The following ACYP2 variants were observed in gnomAD, a reference collection of about 807,000 sequenced individuals.
The protein encoded by ACYP2 is acylphosphatase 2.
Under a neutral mutation model 11.2 loss-of-function variants are expected in ACYP2, and 12 were observed. The ratio of observed to expected loss-of-function variants is 1.08; its 90% CI spans 0.69 to 1.74. The LOEUF (loss-of-function observed/expected upper bound fraction) is 1.74. Among genes scored for constraint, ACYP2 ranks in the 40% most tolerant of loss-of-function variants. ACYP2 has a pLI of 0.00. For missense variants in ACYP2, 134 were observed against 101.9 expected, an observed-to-expected ratio of 1.31 and a Z score of -1.35; for synonymous variants, 43 against 32.2, an observed-to-expected ratio of 1.33 and a Z score of -1.13.
intron 6 of ACYP2, among the ~76,000 whole-genome samples, chr2:54,203,467 G>T (rs186817069): frequency 6.6e-6 from 1 of 152,074 alleles, no homozygotes; most frequent in Non-Finnish European, 1.5e-5. Context: ...TCTTTTTCTT[G>T]CCTAATTGCT....
chr2:54,130,911 A>G (rs138199700), intron 4 of ACYP2, among the ~76,000 whole-genome samples: 660 of 152,310 alleles, frequency 4.3e-3, no homozygotes, highest in Admixed American at 7.7e-3. Flanking sequence ...AGCCAGCCCT[A>G]AAATCACCCA....
chr2:54,292,696 A>G, intron 6 of ACYP2, among the ~76,000 whole-genome samples: 1 of 147,056 alleles, frequency 6.8e-6, no homozygotes, highest in East Asian at 1.9e-4. Flanking sequence ...ACACACACAC[A>G]CACACACACA....
At chr2:53,996,179 C>G (rs1672565969) in intron 2 of ACYP2, among the ~76,000 whole-genome samples, 1 of 152,002 alleles carries the variant, frequency 6.6e-6, no homozygotes, top group Non-Finnish European at 1.5e-5. Flanking sequence ...AACGGCTATT[C>G]TAGGCATAGT....
intron 2 of ACYP2, among the ~76,000 whole-genome samples, chr2:54,009,289 T>C (rs1673239622): frequency 1.3e-5 from 2 of 152,116 alleles, no homozygotes; most frequent in Non-Finnish European, 2.9e-5. Flanking sequence ...CTGGATGCAG[T>C]GGCTCACACC....
chr2:54,162,030 T>C (rs1682734973), intron 6 of ACYP2, among the ~76,000 whole-genome samples: 1 of 152,162 alleles, frequency 6.6e-6, no homozygotes. Context: ...TTCACAACCA[T>C]ATAGATTCTT....
chr2:54,203,245 T>C (rs1017878250), intron 6 of ACYP2, among the ~76,000 whole-genome samples: 1 of 151,952 alleles, frequency 6.6e-6, no homozygotes, highest in Non-Finnish European at 1.5e-5. Context: ...TGGAATTATT[T>C]GCTTAATTTT....
At chr2:54,028,977 G>C (rs186672689) in intron 2 of ACYP2, among the ~76,000 whole-genome samples, 1 of 152,098 alleles carries the variant, frequency 6.6e-6, no homozygotes, top group African/African-American at 2.4e-5. Flanking sequence ...GGGTAAGATA[G>C]TGAGACCTCA....
At chr2:54,042,206 A>T (rs1675268827) in intron 2 of ACYP2, among the ~76,000 whole-genome samples, 1 of 152,088 alleles carries the variant, frequency 6.6e-6, no homozygotes, top group African/African-American at 2.4e-5. Flanking sequence ...GGGTTTCTCC[A>T]TGTTGGTCAG....
At chr2:54,017,399 T>G (rs1673757660) in intron 2 of ACYP2, among the ~76,000 whole-genome samples, 2 of 151,114 alleles carry the variant, frequency 1.3e-5, no homozygotes. Flanking sequence ...GGATTATAGG[T>G]GTGAACCACC....
intron 6 of ACYP2, chr2:54,256,386 A>C: frequency 1.9e-6 from 1 of 522,824 alleles, no homozygotes; most frequent in Non-Finnish European, 3.5e-6. Flanking sequence ...ATGATATTAC[A>C]TGGTGGTTTT....
At chr2:54,254,946 G>A in intron 6 of ACYP2, 1 of 1,612,982 alleles carries the variant, frequency 6.2e-7, no homozygotes, top group East Asian at 2.2e-5. Context: ...CAAAGGGCCT[G>A]GGGATCTCCA....
At chr2:54,039,781 G>A (rs1249316378) in intron 2 of ACYP2, among the ~76,000 whole-genome samples, 1 of 151,238 alleles carries the variant, frequency 6.6e-6, no homozygotes, top group Non-Finnish European at 1.5e-5. Context: ...GTTTTTATCG[G>A]TGTCACTCAG....
At position 54,304,218 on chromosome 2, in the gene ACYP2, CTGTGTGTG is replaced by C. The variant is rs10531789; in HGVS notation, c.405-446_405-439del. On this transcript the variant is annotated intron_variant, in intron 6 of 6. Transcript: ENST00000607452. ...TGGATCTCTTTCATTATATATATGTCTGTGTGTGTGTGTGTGTGTGTGTGTGTGTGTAG... is the reference window on the plus strand; with the variant it reads ...TGGATCTCTTTCATTATATATATGTCTGTGTGTGTGTGTGTGTGTGTGTAG... Among the ~76,000 whole-genome samples the C allele has an allele frequency of 2.0e-3, 306 of 149,370 alleles. 1 individual carries two copies. The highest frequency in any genetic ancestry group is 0.014 in the South Asian group (66 of 4,610).
intron 4 of ACYP2, among the ~76,000 whole-genome samples, chr2:54,061,609 A>G (rs1252036575): frequency 6.6e-6 from 1 of 152,214 alleles, no homozygotes; most frequent in Non-Finnish European, 1.5e-5. Flanking sequence ...TTTTAATGGG[A>G]GCCTATTGGT....
intron 6 of ACYP2, among the ~76,000 whole-genome samples, chr2:54,252,901 C>G (rs1157667243): frequency 7.0e-6 from 1 of 142,368 alleles, no homozygotes; most frequent in Non-Finnish European, 1.5e-5. Context: ...GAGACTCCGT[C>G]TCAAAAAAAA....
intron 4 of ACYP2, among the ~76,000 whole-genome samples, chr2:54,057,866 G>A (rs1037094133): frequency 1.3e-5 from 2 of 152,174 alleles, no homozygotes; most frequent in Admixed American, 1.3e-4. Context: ...CTAAGGCAGA[G>A]CAGAGGAAGA....
intron 6 of ACYP2, among the ~76,000 whole-genome samples, chr2:54,287,746 TGTAA>T (rs1451152898): frequency 6.6e-6 from 1 of 152,000 alleles, no homozygotes; most frequent in African/African-American, 2.4e-5. Context: ...CTGCCAGACT[TGTAA>T]GTGATTCCAG....
At chr2:54,126,107 A>G (rs779229592) in intron 4 of ACYP2, among the ~76,000 whole-genome samples, 5 of 152,172 alleles carry the variant, frequency 3.3e-5, no homozygotes, top group African/African-American at 1.2e-4. Context: ...TAAAAATAAA[A>G]AGGAGATTTA....
chr2:54,008,747 G>C (rs1331743064), intron 2 of ACYP2, among the ~76,000 whole-genome samples: 1 of 152,158 alleles, frequency 6.6e-6, no homozygotes, highest in Admixed American at 6.6e-5. Context: ...TCTATCCACT[G>C]AGAAATGTTC....
Sources: allele counts gnomAD v4.1 joint callset (sites outside exome capture counted in the v4.1 genomes callset), GRCh38; gene constraint gnomAD v4.1.1; transcripts MANE v1.5; gene names NCBI Gene and HGNC (gene_info 2026-07-23, HGNC 2026-07-21).